Variants in CLTCL1 observed in about 807,000 individuals in gnomAD.
The protein encoded by CLTCL1 is clathrin heavy chain like 1.
Under a neutral mutation model 190.0 loss-of-function variants are expected in CLTCL1, and 159 were observed. The observed-to-expected ratio is 0.84, with a 90% CI of 0.74 to 0.95. The LOEUF (loss-of-function observed/expected upper bound fraction) is 0.95, where lower values mean the gene tolerates loss of function less well. CLTCL1 is among the 40% of genes least tolerant of loss of function. CLTCL1 has a pLI of 0.00. For missense variants in CLTCL1, 1,878 were observed against 2,033.4 expected, an observed-to-expected ratio of 0.92 and a Z score of 1.47; for synonymous variants, 752 against 769.6, an observed-to-expected ratio of 0.98 and a Z score of 0.38.
At chr22:19,180,555 GC>G (rs2084098767) in intron 31 of CLTCL1, among the ~76,000 whole-genome samples, 175 bp downstream of exon 31, 1 of 152,180 alleles carries the variant, frequency 6.6e-6, no homozygotes, top group Non-Finnish European at 1.5e-5. Flanking sequence ...GAGGACAGCG[GC>G]CGTGCCAACA....
intron 11 of CLTCL1, among the ~76,000 whole-genome samples, chr22:19,226,651 G>GAGA (rs782204585): frequency 1.3e-5 from 2 of 152,236 alleles, no homozygotes; most frequent in Non-Finnish European, 2.9e-5. Context: ...TTGGGCCTGT[G>GAGA]AGAAAGGCTG....
chr22:19,258,455 G>A (rs1294832719), intron 2 of CLTCL1: 5 of 429,324 alleles, frequency 1.2e-5, no homozygotes, highest in Non-Finnish European at 1.8e-5. Flanking sequence ...TGGACTTGAT[G>A]AGAAATCTGA....
intron 3 of CLTCL1, among the ~76,000 whole-genome samples, chr22:19,252,626 T>G (rs2086625948): frequency 6.6e-6 from 1 of 152,184 alleles, no homozygotes; most frequent in South Asian, 2.1e-4. Context: ...AGACAAATCA[T>G]TCACTGGTCA....
At chr22:19,192,329 T>G (rs1343034606) in intron 26 of CLTCL1, among the ~76,000 whole-genome samples, 1 of 152,144 alleles carries the variant, frequency 6.6e-6, no homozygotes, top group Non-Finnish European at 1.5e-5. Context: ...CCTCCCAAAG[T>G]GCTGGGATTA....
intron 1 of CLTCL1, among the ~76,000 whole-genome samples, chr22:19,280,440 T>C (rs1215535256): frequency 6.6e-6 from 1 of 151,836 alleles, no homozygotes; most frequent in Non-Finnish European, 1.5e-5. Context: ...ACACATGCAA[T>C]AGGAGTATTA....
At chr22:19,182,081 G>C (rs2084159281) in intron 30 of CLTCL1, 1 of 152,202 alleles carries the variant, frequency 6.6e-6, no homozygotes, top group Non-Finnish European at 1.5e-5. Context: ...GAGTTCCTCT[G>C]ACACTAACCC....
At chr22:19,274,299 C>A (rs550234016) in intron 2 of CLTCL1, among the ~76,000 whole-genome samples, 1 of 152,176 alleles carries the variant, frequency 6.6e-6, no homozygotes, top group Non-Finnish European at 1.5e-5. Flanking sequence ...CCCTTCTCTA[C>A]AAATATTTTT....
chr22:19,244,480 T>C (rs2086356375), intron 3 of CLTCL1, among the ~76,000 whole-genome samples: 3 of 152,156 alleles, frequency 2.0e-5, no homozygotes, highest in South Asian at 2.1e-4. Flanking sequence ...GTCTGTGTTT[T>C]AACAGAAAAA....
intron 1 of CLTCL1, among the ~76,000 whole-genome samples, chr22:19,283,538 C>T (rs1373823177): frequency 6.6e-6 from 1 of 152,110 alleles, no homozygotes; most frequent in African/African-American, 2.4e-5. Context: ...TCCTCGGCCT[C>T]CCAAAGTGCT....
rs560128658 is a variant in CLTCL1 at position 19,234,673 on chromosome 22, C to A, written c.1003G>T (p.Val335Leu). 1.4e-5 allele frequency: 22 copies of A among 1,614,034 alleles called. No individual in the cohort carries two copies. In the East Asian group the frequency reaches 2.9e-4, roughly 21 times the overall value. Residue 335 changes from valine to leucine, a missense_variant, in exon 7 of 33, where the codon GTG (valine) becomes TTG (leucine). Coordinates refer to ENST00000427926, the MANE Select transcript of CLTCL1 (RefSeq NM_007098.4). Reference protein sequence around the residue: ...LSVCVEEDNIVNYATNVLQNP... With the variant: ...LSVCVEEDNILNYATNVLQNP... ...TGAAGCACGTTGGTTGCATAATTCACAATGTTATCTTCCTCAACACAAACT... is the reference window on the plus strand; with the variant it reads ...TGAAGCACGTTGGTTGCATAATTCAAAATGTTATCTTCCTCAACACAAACT...
chr22:19,224,003 A>G lies in CLTCL1; in HGVS notation c.2180T>C (p.Val727Ala), dbSNP rs1271680225. ...GGCAGCCTGAATGTATTTCAGATGC[A>G]CATCTGGGTCTTGGCTGAAGTTCAC... ...SIVNFSQDPD[V>A]HLKYIQAACK... The change falls in exon 14 of 33, where the codon GTG becomes GCG. Residue 727 changes from valine to alanine, a missense_variant. Coordinates refer to ENST00000427926, the MANE Select transcript of CLTCL1 (RefSeq NM_007098.4). 4 of 1,613,904 alleles carry G rather than the reference A, an allele frequency of 2.5e-6. No homozygotes were observed. Among genetic ancestry groups the G allele is most frequent in the Admixed American group, 3.3e-5 (2 of 60,002 alleles).
chr22:19,260,278 T>C (rs1009374741), intron 2 of CLTCL1, among the ~76,000 whole-genome samples: 21 of 152,156 alleles, frequency 1.4e-4, no homozygotes, highest in African/African-American at 3.4e-4. Flanking sequence ...GCTAAGATCA[T>C]TGATGAACAA....
At chr22:19,257,786 C>T (rs76629899) in intron 2 of CLTCL1, 127,656 of 1,419,720 alleles carry the variant, frequency 0.09, 7,077 homozygotes, top group African/African-American at 0.23. Context: ...AAAGCCTGAA[C>T]GACCACCTGG....
At chr22:19,259,839 G>T (rs1487266065) in intron 2 of CLTCL1, among the ~76,000 whole-genome samples, 1 of 152,222 alleles carries the variant, frequency 6.6e-6, no homozygotes, top group African/African-American at 2.4e-5. Context: ...AGTTAGGAAT[G>T]ATTAGGCTTT....
rs2145892187 is a variant in CLTCL1 at position 19,235,324 on chromosome 22, T to C, written c.969+372A>G. ...AGTTGGGATTACAGGCATAAACTAT[T>C]GTGCCCAGCCAAGAGTTTCTTCTTT... On this transcript the variant is annotated intron_variant, in intron 6 of 32. Transcript: ENST00000427926. Among the ~76,000 whole-genome samples the C allele has an allele frequency of 1.3e-5, 2 of 152,322 alleles. 1 individual carries two copies. The highest frequency in any genetic ancestry group is 4.1e-4 in the South Asian group (2 of 4,828).
intron 14 of CLTCL1, 66 bp downstream of exon 14, chr22:19,223,825 C>A (rs188956656): frequency 5.0e-6 from 8 of 1,591,318 alleles, no homozygotes; most frequent in Middle Eastern, 2.2e-4. Flanking sequence ...GGACGTCCTG[C>A]GGATGGTCTG....
chr22:19,239,214 T>C, intron 5 of CLTCL1, 61 bp downstream of exon 5: 1 of 1,318,296 alleles, frequency 7.6e-7, no homozygotes, highest in East Asian at 2.3e-5. Context: ...CTCCTGTATC[T>C]TGGGAGGTGC....
rs143388821 is a variant in CLTCL1, at chr22:19,252,931, A to G, written c.519+1028T>C. Among the ~76,000 whole-genome samples the G allele has an allele frequency of 9.5e-3, 1,437 of 150,972 alleles. 36 individuals are homozygous for G. The highest frequency in any genetic ancestry group is 0.069 in the East Asian group (349 of 5,084). On this transcript the variant is annotated intron_variant, in intron 3 of 32. Transcript: ENST00000427926. ...GGGGAGGCTGAGGCAGGAGAATGGC[A>G]TGAACCCAGGAGGCAGAGCTTGCAG...
chr22:19,188,929 T>C (rs576769385), intron 27 of CLTCL1, among the ~76,000 whole-genome samples: 106 of 151,704 alleles, frequency 7.0e-4, no homozygotes, highest in Admixed American at 1.1e-3. Context: ...ATTTCTTTCC[T>C]TCTTTTTTTT....
Sources: allele counts gnomAD v4.1 joint callset (sites outside exome capture counted in the v4.1 genomes callset), GRCh38; gene constraint gnomAD v4.1.1; transcripts MANE v1.5; gene names NCBI Gene and HGNC (gene_info 2026-07-23, HGNC 2026-07-21).